DGKI: variants seen among roughly 807,000 people sequenced by gnomAD.
DGKI encodes the protein DAG kinase iota.
In DGKI, 55 loss-of-function variants were observed where a neutral mutation model predicts 147.5. The ratio of observed to expected loss-of-function variants is 0.37; its 90% CI spans 0.30 to 0.47. The LOEUF (loss-of-function observed/expected upper bound fraction) is 0.47. Ranked by LOEUF, DGKI falls within the 20% of genes least tolerant of loss-of-function variation. The pLI is 1.00. For synonymous variants in DGKI, 469 were observed against 477.1 expected, an observed-to-expected ratio of 0.98 and a Z score of 0.22; for missense variants, 1,007 against 1,323.8, an observed-to-expected ratio of 0.76 and a Z score of 3.71.
intron 19 of DGKI, among the ~76,000 whole-genome samples, chr7:137,568,083 T>A (rs1818652737): frequency 6.6e-6 from 1 of 152,124 alleles, no homozygotes; most frequent in African/African-American, 2.4e-5. Context: ...TTTAAAAAAA[T>A]TTTACTAACT....
At chr7:137,767,486 A>G (rs536240197) in intron 1 of DGKI, among the ~76,000 whole-genome samples, 1 of 141,462 alleles carries the variant, frequency 7.1e-6, no homozygotes, top group African/African-American at 2.8e-5. Flanking sequence ...AGAAGAGAAG[A>G]GAAGAGAAGA....
At chr7:137,672,766 CTTTTTTTTTTTTTTTTTTTT>C (rs60078498) in intron 3 of DGKI, among the ~76,000 whole-genome samples, 1 of 65,664 alleles carries the variant, frequency 1.5e-5, no homozygotes, top group Non-Finnish European at 2.6e-5. Context: ...CTCTGTGTGT[CTTTTTTTTTTTTTTTTTTTT>C]TTTTTTTTTT....
chr7:137,711,017 C>A (rs1199088076), intron 1 of DGKI, among the ~76,000 whole-genome samples: 4 of 152,136 alleles, frequency 2.6e-5, no homozygotes, highest in Non-Finnish European at 4.4e-5. Context: ...ACTGGAAATT[C>A]ATCCCCGTCC....
rs1490794939 is a variant in DGKI, at chr7:137,386,741, G to C, written c.*4479C>G. The C allele has an allele frequency of 6.6e-6, 1 of 152,066 alleles. No homozygotes were observed. Among genetic ancestry groups the C allele is most frequent in the Non-Finnish European group, 1.5e-5 (1 of 67,994 alleles). 9.4% of individuals were successfully genotyped at this position (152,066 alleles called of 1,614,324 possible). A position where few individuals can be genotyped will look rare whatever the true frequency, so the allele number is the denominator to read the frequency against. On this transcript the variant is annotated 3_prime_UTR_variant, in exon 33 of 33. Coordinates refer to ENST00000614521, the MANE Select transcript of DGKI (RefSeq NM_001321708.2). ...TCGATCTGACAGACCTGGCAGAGAA[G>C]GACCTGTAGGACTTCTAATCAGCTG...
intron 4 of DGKI, among the ~76,000 whole-genome samples, chr7:137,656,050 G>C (rs927544913): frequency 2.6e-5 from 4 of 152,200 alleles, no homozygotes; most frequent in Non-Finnish European, 5.9e-5. Flanking sequence ...TCCCTTGCAG[G>C]CACTTTAGGA....
chr7:137,493,949 C>A, intron 21 of DGKI: 1 of 554,606 alleles, frequency 1.8e-6, no homozygotes, highest in Non-Finnish European at 3.2e-6. Context: ...AATGATACAG[C>A]AGATGAAAGA....
chr7:137,638,600 A>ATGTGTATATG (rs1821479184), intron 6 of DGKI, among the ~76,000 whole-genome samples: 1 of 13,116 alleles, frequency 7.6e-5, no homozygotes, highest in African/African-American at 3.6e-4. Context: ...ATATACATAT[A>ATGTGTATATG]TGTATATATA....
intron 20 of DGKI, among the ~76,000 whole-genome samples, chr7:137,540,140 A>G (rs1053286941): frequency 2.6e-5 from 4 of 152,242 alleles, no homozygotes; most frequent in African/African-American, 9.6e-5. Context: ...TGAGAGTTTC[A>G]TTGGTAAATT....
At chr7:137,491,497 C>T (rs1414591925) in intron 21 of DGKI, among the ~76,000 whole-genome samples, 1 of 152,188 alleles carries the variant, frequency 6.6e-6, no homozygotes, top group African/African-American at 2.4e-5. Flanking sequence ...ACATAAAGAC[C>T]TGCATTCCAT....
intron 6 of DGKI, among the ~76,000 whole-genome samples, chr7:137,642,799 C>T (rs1027395470): frequency 2.0e-5 from 3 of 151,578 alleles, no homozygotes; most frequent in African/African-American, 7.3e-5. Context: ...AAACCACAAA[C>T]ACTCTTTAAC....
At chr7:137,814,757 G>T (rs566522132) in intron 1 of DGKI, among the ~76,000 whole-genome samples, 8 of 152,114 alleles carry the variant, frequency 5.3e-5, no homozygotes, top group Non-Finnish European at 1.2e-4. Flanking sequence ...AAGCACCCCC[G>T]CTAGAGAACA....
intron 7 of DGKI, 79 bp from the exon 8 acceptor site, chr7:137,620,019 G>GCACACA (rs3839659): frequency 0.026 from 13,070 of 500,838 alleles, 116 homozygotes; most frequent in East Asian, 0.055. Context: ...ATGTACACAC[G>GCACACA]CACACACACA....
intron 21 of DGKI, among the ~76,000 whole-genome samples, chr7:137,511,178 C>T (rs904506299): frequency 1.3e-5 from 2 of 152,210 alleles, no homozygotes; most frequent in Non-Finnish European, 2.9e-5. Flanking sequence ...ATGAATTGCT[C>T]TTATTAGCAA....
chr7:137,602,588 T>C (rs779656018), intron 10 of DGKI, among the ~76,000 whole-genome samples: 1 of 152,234 alleles, frequency 6.6e-6, no homozygotes, highest in Non-Finnish European at 1.5e-5. Context: ...CTCCACCTAG[T>C]GTGTGGAGAA....
intron 13 of DGKI, among the ~76,000 whole-genome samples, chr7:137,586,153 G>A (rs1045813366): frequency 3.3e-5 from 5 of 152,040 alleles, no homozygotes; most frequent in Non-Finnish European, 7.4e-5. Flanking sequence ...GGGACCAGGT[G>A]CAGTAACTCA....
rs1012250179 is a variant in DGKI at position 137,485,238 on chromosome 7, C to T, written c.2373+136G>A. 5.6e-6 allele frequency: 4 copies of T among 715,918 alleles called. No homozygotes were observed. The African/African-American group carries it at 7.3e-5, about 13-fold the overall frequency. The allele number at this position is 715,918 out of a possible 1,614,324, so 44.3% of individuals were successfully genotyped here. A position where few individuals can be genotyped will look rare whatever the true frequency, so the allele number is the denominator to read the frequency against. On this transcript the variant is annotated intron_variant, in intron 23 of 32. Transcript: ENST00000614521. ...AGGAAAATGCAAAAGAATCAGAATACCATTTTCACTAGATTCTTAGAATGA... is the reference window on the plus strand; with the variant it reads ...AGGAAAATGCAAAAGAATCAGAATATCATTTTCACTAGATTCTTAGAATGA...
At chr7:137,751,807 T>C (rs1158556181) in intron 1 of DGKI, among the ~76,000 whole-genome samples, 2 of 152,162 alleles carry the variant, frequency 1.3e-5, no homozygotes, top group Non-Finnish European at 2.9e-5. Context: ...TGCATTCCAA[T>C]AAAACTTTAT....
chr7:137,556,984 A>C (rs553769781), intron 19 of DGKI, among the ~76,000 whole-genome samples: 1 of 151,704 alleles, frequency 6.6e-6, no homozygotes, highest in Non-Finnish European at 1.5e-5. Context: ...GACTCTAAAA[A>C]GAAAAAAGAA....
At chr7:137,464,183 G>A (rs769443398) in intron 26 of DGKI, among the ~76,000 whole-genome samples, 1 of 151,108 alleles carries the variant, frequency 6.6e-6, no homozygotes, top group African/African-American at 2.4e-5. Flanking sequence ...CATGAACCCG[G>A]GAGGCGGAGC....
Sources: allele counts gnomAD v4.1 joint callset (sites outside exome capture counted in the v4.1 genomes callset), GRCh38; gene constraint gnomAD v4.1.1; transcripts MANE v1.5; gene names NCBI Gene and HGNC (gene_info 2026-07-23, HGNC 2026-07-21).